The following RBFOX1 variants were observed in gnomAD, a reference collection of about 807,000 sequenced individuals.
The protein encoded by RBFOX1 is RNA binding fox-1 homolog 1, also known as RNA binding protein fox-1 homolog 1.
RBFOX1 carries 8 observed loss-of-function variants against 57.7 expected under a neutral mutation model. The observed-to-expected ratio is 0.14, with a 90% CI of 0.08 to 0.25. The LOEUF is 0.25. Among genes scored for constraint, RBFOX1 ranks in the 10% least tolerant of loss-of-function variants. The pLI is 1.00. For synonymous variants in RBFOX1, 326 were observed against 222.4 expected, an observed-to-expected ratio of 1.47 and a Z score of -4.15; for missense variants, 611 against 548.5, an observed-to-expected ratio of 1.11 and a Z score of -1.14.
chr16:6,462,782 A>C (rs2094951807), intron 2 of RBFOX1, among the ~76,000 whole-genome samples: 1 of 151,496 alleles, frequency 6.6e-6, no homozygotes, highest in South Asian at 2.1e-4. Context: ...GGATGTTAGC[A>C]ATCTTTTAAA....
At chr16:5,895,665 A>C (rs79962188) in intron 4 of RBFOX1, among the ~76,000 whole-genome samples, 4 of 152,192 alleles carry the variant, frequency 2.6e-5, no homozygotes, top group Non-Finnish European at 5.9e-5. Flanking sequence ...GGGTAAGTCA[A>C]TTTAACTCTT....
chr16:6,721,474 T>C (rs892121620), intron 3 of RBFOX1, among the ~76,000 whole-genome samples: 1 of 152,156 alleles, frequency 6.6e-6, no homozygotes, highest in African/African-American at 2.4e-5. Flanking sequence ...GTGTTAACCA[T>C]TTTTAAGTGT....
intron 3 of RBFOX1, among the ~76,000 whole-genome samples, chr16:5,751,938 G>A (rs1225005879): frequency 1.3e-5 from 2 of 152,090 alleles, no homozygotes; most frequent in Non-Finnish European, 1.5e-5. Flanking sequence ...ATACCCAAAG[G>A]AATATAAATC....
At chr16:6,873,554 G>A (rs1477277473) in intron 3 of RBFOX1, among the ~76,000 whole-genome samples, 1 of 152,040 alleles carries the variant, frequency 6.6e-6, no homozygotes, top group Non-Finnish European at 1.5e-5. Flanking sequence ...TTAAAAAAAA[G>A]AACAACTTTG....
At chr16:6,058,347 T>TCCC (rs1394718449) in intron 1 of RBFOX1, among the ~76,000 whole-genome samples, 1 of 151,602 alleles carries the variant, frequency 6.6e-6, no homozygotes, top group East Asian at 2.0e-4. Flanking sequence ...CTCTCCTTCC[T>TCCC]CCCTCTCCTT....
intron 11 of RBFOX1, among the ~76,000 whole-genome samples, chr16:7,633,862 T>G (rs1000270087): frequency 3.3e-5 from 5 of 152,228 alleles, no homozygotes; most frequent in Admixed American, 6.5e-5. Flanking sequence ...CTAGGCTGTT[T>G]GTGGATTGCT....
chr16:5,978,122 C>T (rs1233962010), intron 4 of RBFOX1, among the ~76,000 whole-genome samples: 2 of 81,370 alleles, frequency 2.5e-5, no homozygotes, highest in Non-Finnish European at 4.3e-5. Flanking sequence ...AGAATCCTGT[C>T]TCTTCCAAAA....
chr16:5,506,504 A>C (rs1351001324), intron 2 of RBFOX1, among the ~76,000 whole-genome samples: 1 of 152,202 alleles, frequency 6.6e-6, no homozygotes, highest in Non-Finnish European at 1.5e-5. Flanking sequence ...AAATGAATAT[A>C]AATAAGTACA....
rs2080140048 is a variant in RBFOX1, at chr16:7,700,009, T to G, written c.996-9047T>G. 2.0e-5 allele frequency among the ~76,000 whole-genome samples: 3 copies of G among 152,256 alleles called. No homozygotes were observed. In the South Asian group the frequency reaches 6.2e-4, roughly 32 times the overall value. On this transcript the variant is annotated intron_variant, in intron 14 of 15. Coordinates refer to ENST00000550418, the MANE Select transcript of RBFOX1 (RefSeq NM_018723.4). ...TGCCTCCTGGTGCTAGGTGGGTGTG[T>G]TGGTGCTGTAGAGGGACATTCCTTG...
At chr16:5,850,542 AATG>A (rs1162847266) in intron 3 of RBFOX1, among the ~76,000 whole-genome samples, 4 of 152,208 alleles carry the variant, frequency 2.6e-5, no homozygotes, top group African/African-American at 9.6e-5. Context: ...CAGCAGAATT[AATG>A]ATAACAGTAA....
chr16:5,433,032 G>C (rs2067802167), intron 1 of RBFOX1, among the ~76,000 whole-genome samples: 1 of 152,066 alleles, frequency 6.6e-6, no homozygotes. Context: ...GTTATTCCAG[G>C]TTAAATGTTT....
chr16:5,629,452 C>T (rs981957815), intron 3 of RBFOX1, among the ~76,000 whole-genome samples: 1 of 152,206 alleles, frequency 6.6e-6, no homozygotes, highest in Non-Finnish European at 1.5e-5. Context: ...TTGTAGGGGA[C>T]CCTGTGGTCC....
At chr16:5,644,927 C>T (rs1414007494) in intron 3 of RBFOX1, among the ~76,000 whole-genome samples, 1 of 152,028 alleles carries the variant, frequency 6.6e-6, no homozygotes, top group Admixed American at 6.6e-5. Context: ...AACGCTCGCA[C>T]ATGCCATGGC....
At chr16:6,756,497 A>G (rs916234280) in intron 3 of RBFOX1, among the ~76,000 whole-genome samples, 12 of 152,314 alleles carry the variant, frequency 7.9e-5, no homozygotes, top group South Asian at 2.1e-4. Context: ...CTTTGGCACA[A>G]CAAAGGAAAC....
chr16:6,516,912 C>T (rs1361161044), intron 2 of RBFOX1, among the ~76,000 whole-genome samples: 3 of 152,182 alleles, frequency 2.0e-5, no homozygotes, highest in Non-Finnish European at 4.4e-5. Context: ...GGCACCTTGA[C>T]ATCTTCCTGG....
chr16:6,541,373 G>T (rs1339171544), intron 2 of RBFOX1, among the ~76,000 whole-genome samples: 1 of 152,202 alleles, frequency 6.6e-6, no homozygotes, highest in Non-Finnish European at 1.5e-5. Flanking sequence ...GCCAGACACT[G>T]TTCTAAACAG....
At chr16:5,887,247 A>G (rs550673466) in intron 4 of RBFOX1, among the ~76,000 whole-genome samples, 2 of 152,230 alleles carry the variant, frequency 1.3e-5, no homozygotes, top group Non-Finnish European at 2.9e-5. Context: ...GCATGGCAGC[A>G]CAGTCAGCAT....
chr16:7,046,914 G>C (rs1382642741), intron 3 of RBFOX1, among the ~76,000 whole-genome samples: 4 of 151,724 alleles, frequency 2.6e-5, no homozygotes, highest in African/African-American at 9.7e-5. Flanking sequence ...CCTATATTTT[G>C]TTTAACTTCC....
chr16:6,938,625 T>C (rs746941006), intron 3 of RBFOX1, among the ~76,000 whole-genome samples: 1 of 152,156 alleles, frequency 6.6e-6, no homozygotes. Context: ...GGACTGTTTA[T>C]AGGAGGACAA....
Sources: gnomAD v4.1 joint callset for allele counts (sites outside exome capture counted in the v4.1 genomes callset) on GRCh38, gnomAD v4.1.1 for gene constraint, MANE v1.5 for transcripts, NCBI Gene and HGNC (gene_info 2026-07-23, HGNC 2026-07-21) for gene names.